TMEM255B: variants seen among roughly 807,000 people sequenced by gnomAD.
The protein encoded by TMEM255B is transmembrane protein 255B.
A neutral mutation model predicts 34.5 loss-of-function variants in TMEM255B; 35 were observed. The observed-to-expected ratio is 1.01, with a 90% confidence interval of 0.77 to 1.34. TMEM255B has a LOEUF of 1.34. Ranked by LOEUF, TMEM255B falls within the 40% of genes most tolerant of loss-of-function variation. TMEM255B has a pLI of 0.00. For synonymous variants in TMEM255B, 206 were observed against 201.2 expected, an observed-to-expected ratio of 1.02 and a Z score of -0.20; for missense variants, 432 against 433.2, an observed-to-expected ratio of 1.00 and a Z score of 0.02.
chr13:113,782,551 C>T (rs1233441927), intron 3 of TMEM255B, among the ~76,000 whole-genome samples: 2 of 152,178 alleles, frequency 1.3e-5, no homozygotes, highest in African/African-American at 4.8e-5. Flanking sequence ...TCTGGCCTAC[C>T]GGATACCGTC....
At chr13:113,787,168 A>G (rs940023569) in intron 3 of TMEM255B, among the ~76,000 whole-genome samples, 1 of 152,246 alleles carries the variant, frequency 6.6e-6, no homozygotes, top group Non-Finnish European at 1.5e-5. Flanking sequence ...CAAACCTGCT[A>G]GCTCCACAGT....
At chr13:113,786,527 ACTG>A (rs201420067) in intron 3 of TMEM255B, among the ~76,000 whole-genome samples, 63,485 of 150,638 alleles carry the variant, frequency 0.42, 14,711 homozygotes, top group East Asian at 0.72. Flanking sequence ...CATTGTCACC[ACTG>A]TCATCACCAT....
chr13:113,791,708 G>A (rs903251590), intron 3 of TMEM255B, among the ~76,000 whole-genome samples: 1 of 152,234 alleles, frequency 6.6e-6, no homozygotes, highest in South Asian at 2.1e-4. Context: ...AGGATGGGTC[G>A]AGCGAAAGAA....
chr13:113,779,358 T>G (rs9550258), intron 3 of TMEM255B, among the ~76,000 whole-genome samples: 1 of 151,894 alleles, frequency 6.6e-6, no homozygotes, highest in South Asian at 2.1e-4. Context: ...TGAGAGAGAG[T>G]GGTCCTTACG....
intron 2 of TMEM255B, among the ~76,000 whole-genome samples, chr13:113,767,615 G>A (rs2050411240): frequency 6.6e-6 from 1 of 152,218 alleles, no homozygotes; most frequent in Non-Finnish European, 1.5e-5. Context: ...ATGAATTAAT[G>A]CTGTGCTGAC....
At chr13:113,797,454 G>T (rs1479917414) in intron 4 of TMEM255B, among the ~76,000 whole-genome samples, 2 of 152,170 alleles carry the variant, frequency 1.3e-5, no homozygotes, top group African/African-American at 4.8e-5. Flanking sequence ...ATGGGGTTCC[G>T]GCACACCGCC....
chr13:113,775,290 T>C (rs1035649247), intron 3 of TMEM255B, among the ~76,000 whole-genome samples: 1 of 152,226 alleles, frequency 6.6e-6, no homozygotes, highest in Non-Finnish European at 1.5e-5. Flanking sequence ...TCCATTCCTC[T>C]AAGTGCTGGA....
chr13:113,765,059 C>G (rs1192486356), intron 1 of TMEM255B, among the ~76,000 whole-genome samples: 3 of 152,150 alleles, frequency 2.0e-5, no homozygotes, highest in Admixed American at 1.3e-4. Context: ...TGGTCCCCTC[C>G]AAGGTGGAAG....
chr13:113,807,523 C>T (rs1197764849), intron 8 of TMEM255B, among the ~76,000 whole-genome samples: 2 of 126,992 alleles, frequency 1.6e-5, no homozygotes, highest in African/African-American at 3.1e-5. Context: ...CCCTGTCACA[C>T]GCAGGCTTAC....
intron 8 of TMEM255B, among the ~76,000 whole-genome samples, chr13:113,805,838 G>T (rs1448904408): frequency 1.3e-5 from 2 of 152,174 alleles, no homozygotes; most frequent in Non-Finnish European, 2.9e-5. Flanking sequence ...ATAAACGTGG[G>T]CTTCCTTTCT....
At chr13:113,776,406 T>C (rs899105184) in intron 3 of TMEM255B, among the ~76,000 whole-genome samples, 10 of 152,198 alleles carry the variant, frequency 6.6e-5, no homozygotes, top group African/African-American at 2.4e-4. Context: ...CTCTGGTTTC[T>C]TAAACGCACC....
chr13:113,766,534 TGTG>T (rs2050394903), intron 2 of TMEM255B: 1 of 522,310 alleles, frequency 1.9e-6, no homozygotes, highest in Non-Finnish European at 3.6e-6. Context: ...GTTGGCCCGA[TGTG>T]GTCACAGGGT....
In TMEM255B at chr13:113,769,091, G is replaced by A; in HGVS notation, c.190-7G>A. ...GTGTTTCTCTCTCGTTCTTCCTTTG[G>A]TTTTAGCTCGGCTTTGGATCTTTCT... is the stretch of plus-strand genomic sequence containing the variant. On this transcript the variant is annotated splice_polypyrimidine_tract_variant and splice_region_variant and intron_variant, in intron 2 of 8. Coordinates refer to ENST00000375353, the MANE Select transcript of TMEM255B (RefSeq NM_182614.4). The surrounding 1 kb of genome is among the most constrained non-coding windows in gnomAD (Gnocchi z 4.2). 6.2e-7 allele frequency: 1 copy of A among 1,614,132 alleles called. No homozygotes were observed. The highest frequency in any genetic ancestry group is 8.5e-7 in the Non-Finnish European group (1 of 1,179,992).
At chr13:113,805,138 T>G in intron 8 of TMEM255B, 110 bp downstream of exon 8, 3 of 1,271,712 alleles carry the variant, frequency 2.4e-6, no homozygotes, top group Non-Finnish European at 3.1e-6. Context: ...CCTCACCTTC[T>G]GGATTAGGGA....
chr13:113,776,600 A>G (rs1425987595), intron 3 of TMEM255B, among the ~76,000 whole-genome samples: 2 of 152,082 alleles, frequency 1.3e-5, no homozygotes, highest in South Asian at 4.1e-4. Context: ...TCGCCTCAGG[A>G]CGCCTGTTTT....
At chr13:113,774,558 ACACACAACACACATGACACACACAC>A (rs2050528658) in intron 3 of TMEM255B, among the ~76,000 whole-genome samples, 1 of 145,106 alleles carries the variant, frequency 6.9e-6, no homozygotes, top group South Asian at 2.2e-4. Context: ...CACACCACAC[ACACACAACACACATGACACACACAC>A]CACACAACAC....
chr13:113,769,508 T>C lies in TMEM255B; in HGVS notation c.252+348T>C, dbSNP rs1566721672. On this transcript the variant is annotated intron_variant, in intron 3 of 8. Coordinates refer to ENST00000375353, the MANE Select transcript of TMEM255B (RefSeq NM_182614.4). This position sits in a 1 kb window ranked among gnomAD's most constrained non-coding sequence, Gnocchi z 4.2. ...AGTGTGTAAAGTTCAGGCAAAAACA[T>C]GTGCATAAGCCTCTCTTCCTTTTGA... 1 of 251,688 alleles carries C rather than the reference T, an allele frequency of 4.0e-6. No individual in the cohort carries two copies. Among genetic ancestry groups the C allele is most frequent in the Non-Finnish European group, 7.9e-6 (1 of 126,902 alleles). The allele number at this position is 251,688 out of a possible 1,614,324, so 15.6% of individuals were successfully genotyped here.
intron 5 of TMEM255B, among the ~76,000 whole-genome samples, chr13:113,800,342 T>TGTGTGTGG (rs1236534768): frequency 7.4e-6 from 1 of 134,832 alleles, no homozygotes; most frequent in Non-Finnish European, 1.6e-5. Flanking sequence ...TGTGTGTGTG[T>TGTGTGTGG]TGGGGGGTGT....
chr13:113,797,040 C>T (rs796428812), intron 4 of TMEM255B, among the ~76,000 whole-genome samples: 5 of 152,382 alleles, frequency 3.3e-5, no homozygotes, highest in South Asian at 2.1e-4. Context: ...GGCTTCCAGA[C>T]GGTGGTTTCC....
Sources: gnomAD v4.1 joint callset for allele counts (sites outside exome capture counted in the v4.1 genomes callset) on GRCh38, gnomAD v4.1.1 for gene constraint, Gnocchi (gnomAD v3.1) non-coding constraint, MANE v1.5 for transcripts, NCBI Gene and HGNC (gene_info 2026-07-23, HGNC 2026-07-21) for gene names.